The following TRIM29 variants were observed in gnomAD, a reference collection of about 807,000 sequenced individuals.
TRIM29 encodes the protein tripartite motif containing 29, also known as tripartite motif-containing protein 29.
Under a neutral mutation model 57.3 loss-of-function variants are expected in TRIM29, and 52 were observed. The observed-to-expected ratio is 0.91, with a 90% CI of 0.73 to 1.14. The LOEUF is 1.14. Ranked by LOEUF, TRIM29 falls within the 50% of genes most tolerant of loss-of-function variation. The pLI is 0.00. For synonymous variants in TRIM29, 319 were observed against 316.9 expected (o/e 1.01, Z -0.07); for missense variants, 753 against 774.6 (o/e 0.97, Z 0.33).
intron 4 of TRIM29, 102 bp downstream of exon 4, chr11:120,125,589 T>C (rs934448317): frequency 1.5e-6 from 2 of 1,292,210 alleles, no homozygotes; most frequent in Admixed American, 3.9e-5. Flanking sequence ...GTGGGAACAA[T>C]GAGAAGAAGC....
At chr11:120,120,794 G>A in intron 5 of TRIM29, 129 bp from the exon 6 acceptor site, 1 of 767,544 alleles carries the variant, frequency 1.3e-6, no homozygotes, top group Non-Finnish European at 2.3e-6. Context: ...CTTTGGGTCT[G>A]ACATAAGTCA....
At chr11:120,115,244 C>T in intron 8 of TRIM29, 94 bp downstream of exon 8, 2 of 1,280,350 alleles carry the variant, frequency 1.6e-6, no homozygotes, top group East Asian at 2.4e-5. Flanking sequence ...GAGAAGTCCT[C>T]CCACAGGCCC....
At chr11:120,130,914 A>C (rs1863709867) in intron 1 of TRIM29, among the ~76,000 whole-genome samples, 1 of 152,182 alleles carries the variant, frequency 6.6e-6, no homozygotes, top group Non-Finnish European at 1.5e-5. Context: ...ATTGGGATCC[A>C]GATGAAGTGT....
In TRIM29 at chr11:120,118,212, G is replaced by A; in HGVS notation, c.1627+11C>T. The A allele has an allele frequency of 6.2e-7, 1 of 1,612,398 alleles. No individual in the cohort carries two copies. Among genetic ancestry groups the A allele is most frequent in the Non-Finnish European group, 8.5e-7 (1 of 1,178,692 alleles). On this transcript the variant is annotated intron_variant, in intron 7 of 8. Transcript: ENST00000341846. Reference sequence around the variant, plus strand: ...GTGGAGGAAAGCAGGGGCCAGGGTGGGCAAGCTCACCTTTCAGGGAGAAGG... The same window carrying A: ...GTGGAGGAAAGCAGGGGCCAGGGTGAGCAAGCTCACCTTTCAGGGAGAAGG...
rs1863129927 is a variant in TRIM29, at chr11:120,111,432, T to C, written c.*982A>G. ...TGTCCCCACTGTGCTGCTCCTGGTT[T>C]TGTCTCCTCTCCAATCCTTGAGCAC... On this transcript the variant is annotated 3_prime_UTR_variant, in exon 9 of 9. Transcript: ENST00000341846. 1 of 152,242 alleles carries C rather than the reference T, an allele frequency of 6.6e-6. No homozygotes were observed. Among genetic ancestry groups the C allele is most frequent in the East Asian group, 1.9e-4 (1 of 5,186 alleles). 9.4% of individuals were successfully genotyped at this position (152,242 alleles called of 1,614,324 possible). A position where few individuals can be genotyped will look rare whatever the true frequency, so the allele number is the denominator to read the frequency against.
chr11:120,128,847 G>A (rs1473380112), intron 1 of TRIM29: 1 of 1,501,616 alleles, frequency 6.7e-7, no homozygotes, highest in Non-Finnish European at 8.9e-7. Flanking sequence ...GTGGACCTGG[G>A]GACAATGGGA....
chr11:120,136,195 A>G (rs970625644), intron 1 of TRIM29, among the ~76,000 whole-genome samples: 3 of 152,226 alleles, frequency 2.0e-5, no homozygotes, highest in African/African-American at 7.2e-5. Flanking sequence ...TCAACTTGTG[A>G]TGGGGTTATT....
intron 4 of TRIM29, chr11:120,124,554 A>C (rs1291678478): frequency 6.6e-6 from 1 of 152,188 alleles, no homozygotes; most frequent in African/African-American, 2.4e-5. Context: ...CAGGGAAAAT[A>C]AGGTAATGTG....
chr11:120,133,172 C>A (rs960204097), intron 1 of TRIM29, among the ~76,000 whole-genome samples: 1 of 152,166 alleles, frequency 6.6e-6, no homozygotes, highest in African/African-American at 2.4e-5. Context: ...GGGCTAAGGC[C>A]TGGGAATCTG....
intron 6 of TRIM29, 70 bp downstream of exon 6, chr11:120,120,503 C>T: frequency 6.9e-7 from 1 of 1,444,166 alleles, no homozygotes. Context: ...CCTGGACCCA[C>T]CTCTATGCCC....
At position 120,112,440 on chromosome 11, in the gene TRIM29, C is replaced by CTTT; in HGVS notation, c.1740_1741insAAA (p.Asn580_Gly581insLys). ...CATGGGGCTTCGTTGGACCCAATCC[C>CTTT]GTTGCCTTTGTTGACGTAGAATGGC... On this transcript the variant is annotated inframe_insertion, in exon 9 of 9. Transcript: ENST00000341846. 1 of 1,613,368 alleles carries CTTT rather than the reference C, an allele frequency of 6.2e-7. No homozygotes were observed. The highest frequency in any genetic ancestry group is 8.5e-7 in the Non-Finnish European group (1 of 1,179,776).
intron 1 of TRIM29, among the ~76,000 whole-genome samples, chr11:120,135,643 G>C (rs533499429): frequency 6.6e-6 from 1 of 152,170 alleles, no homozygotes; most frequent in Admixed American, 6.5e-5. Context: ...GAAGATGGGG[G>C]AAGCTGGAAA....
chr11:120,113,505 C>G (rs1415637068), intron 8 of TRIM29: 2 of 405,874 alleles, frequency 4.9e-6, no homozygotes, highest in Non-Finnish European at 9.9e-6. Context: ...GATCCCAATA[C>G]AGGAGACATC....
chr11:120,137,909 C>G lies in TRIM29; in HGVS notation c.123G>C (p.Lys41Asn), dbSNP rs763780197. 1.2e-6 allele frequency: 2 copies of G among 1,610,478 alleles called. No individual in the cohort carries two copies. The highest frequency in any genetic ancestry group is 8.5e-7 in the Non-Finnish European group (1 of 1,180,020). ...NGTKADGKDA[K>N]TTNGHGGEAA... The stretch of plus-strand genomic sequence containing the variant: ...CCTCCCCGCCGTGCCCGTTGGTGGT[C>G]TTGGCATCCTTGCCGTCAGCCTTGG... The change falls in exon 1 of 9, where the codon AAG (lysine) becomes AAC (asparagine). Residue 41 changes from lysine to asparagine, a missense_variant. Lys to Asn is a moderately conservative substitution (Grantham distance 94). Transcript: ENST00000341846. The surrounding 1 kb of genome is among the most constrained non-coding windows in gnomAD (Gnocchi z 6.2).
rs1863858451 is a variant in TRIM29 at position 120,138,051 on chromosome 11, C to G, written c.-20G>C. On this transcript the variant is annotated 5_prime_UTR_variant, in exon 1 of 9. Transcript: ENST00000341846. The stretch of plus-strand genomic sequence containing the variant: ...TTCCATCGCAGGGTGCTTGGCTGAG[C>G]TGTTTCAGGCTTGCTGGGGTTCAGG... The G allele has an allele frequency of 6.4e-7, 1 of 1,568,628 alleles. No homozygotes were observed. The highest frequency in any genetic ancestry group is 1.2e-5 in the South Asian group (1 of 86,870).
chr11:120,112,519 T>C, intron 8 of TRIM29, 43 bp from the exon 9 acceptor site: 1 of 1,609,568 alleles, frequency 6.2e-7, no homozygotes, highest in Non-Finnish European at 8.5e-7. Flanking sequence ...AGACGACAGA[T>C]GAGCCTGCTA....
intron 7 of TRIM29, chr11:120,117,049 T>C (rs1415510997): frequency 1.1e-5 from 5 of 441,368 alleles, no homozygotes; most frequent in Non-Finnish European, 2.3e-5. Flanking sequence ...TAAGGGGTTT[T>C]CCCAGTGCCT....
chr11:120,132,708 C>T (rs1400875900), intron 1 of TRIM29, among the ~76,000 whole-genome samples: 1 of 152,206 alleles, frequency 6.6e-6, no homozygotes, highest in Non-Finnish European at 1.5e-5. Flanking sequence ...CATGGGCCAT[C>T]GGCTGTGACA....
At chr11:120,118,548 C>A (rs930156206) in intron 6 of TRIM29, among the ~76,000 whole-genome samples, 2 of 152,160 alleles carry the variant, frequency 1.3e-5, no homozygotes, top group African/African-American at 4.8e-5. Flanking sequence ...GGCCACTGTC[C>A]TCAGAATAAG....
Sources: gnomAD v4.1 joint callset for allele counts (sites outside exome capture counted in the v4.1 genomes callset) on GRCh38, gnomAD v4.1.1 for gene constraint, Gnocchi (gnomAD v3.1) non-coding constraint, MANE v1.5 for transcripts, NCBI Gene and HGNC (gene_info 2026-07-23, HGNC 2026-07-21) for gene names.